The following DOCK3 variants were observed in gnomAD, a reference collection of about 807,000 sequenced individuals.
DOCK3 encodes dedicator of cytokinesis protein 3.
Under a neutral mutation model 265.6 loss-of-function variants are expected in DOCK3, and 60 were observed. The ratio of observed to expected loss-of-function variants is 0.23; its 90% CI spans 0.18 to 0.28. The LOEUF (loss-of-function observed/expected upper bound fraction) is 0.28, where lower values mean the gene tolerates loss of function less well. Among genes scored for constraint, DOCK3 ranks in the 10% least tolerant of loss-of-function variants. The pLI is 1.00. For missense variants in DOCK3, 1,981 were observed against 2,594.3 expected (o/e 0.76, Z 5.14); for synonymous variants, 881 against 938.0 (o/e 0.94, Z 1.11).
chr3:50,750,554 T>C (rs2039731514), intron 1 of DOCK3, among the ~76,000 whole-genome samples: 1 of 152,146 alleles, frequency 6.6e-6, no homozygotes, highest in Non-Finnish European at 1.5e-5. Flanking sequence ...GGTCTCGATC[T>C]CTTGACCTCA....
chr3:51,312,621 T>C, intron 30 of DOCK3, 45 bp downstream of exon 30: 1 of 1,497,628 alleles, frequency 6.7e-7, no homozygotes, highest in Non-Finnish European at 9.0e-7. Context: ...CTTGGCCAAA[T>C]AGGGCTATGT....
At chr3:51,275,453 T>C (rs1197972953) in intron 25 of DOCK3, among the ~76,000 whole-genome samples, 3 of 152,334 alleles carry the variant, frequency 2.0e-5, no homozygotes, top group African/African-American at 7.2e-5. Flanking sequence ...TTATCTGTAG[T>C]ACCACAAAGC....
intron 1 of DOCK3, among the ~76,000 whole-genome samples, chr3:50,754,469 A>G (rs2040031893): frequency 6.6e-6 from 1 of 152,202 alleles, no homozygotes; most frequent in Non-Finnish European, 1.5e-5. Flanking sequence ...TTTAATTGAA[A>G]AAATGTTGCG....
intron 1 of DOCK3, among the ~76,000 whole-genome samples, chr3:50,712,300 G>A (rs1171028886): frequency 6.6e-6 from 1 of 152,098 alleles, no homozygotes; most frequent in Non-Finnish European, 1.5e-5. Context: ...AGCAATAAAT[G>A]TTCTCCTAAG....
At chr3:51,366,913 G>A (rs2087231243) in intron 49 of DOCK3, among the ~76,000 whole-genome samples, 1 of 152,154 alleles carries the variant, frequency 6.6e-6, no homozygotes, top group South Asian at 2.1e-4. Flanking sequence ...TTCCAATTAT[G>A]TGGTCAATTT....
chr3:51,382,697 A>C lies in DOCK3; in HGVS notation c.*1138A>C, dbSNP rs570394807. On this transcript the variant is annotated 3_prime_UTR_variant, in exon 53 of 53. Transcript: ENST00000266037. ...CATGCAGGTAGAATTGTCATCTCCCAAGTGGCCACATACAGCAACCCACTC... is the reference window on the plus strand; with the variant it reads ...CATGCAGGTAGAATTGTCATCTCCCCAGTGGCCACATACAGCAACCCACTC... 1 of 152,580 alleles carries C rather than the reference A, an allele frequency of 6.6e-6. No homozygotes were observed. Among genetic ancestry groups the C allele is most frequent in the South Asian group, 2.1e-4 (1 of 4,818 alleles). The allele number at this position is 152,580 out of a possible 1,614,324, so 9.5% of individuals were successfully genotyped here.
intron 5 of DOCK3, among the ~76,000 whole-genome samples, chr3:50,951,512 A>G (rs1006017724): frequency 8.5e-5 from 13 of 152,174 alleles, no homozygotes; most frequent in Admixed American, 4.6e-4. Flanking sequence ...TCAATGTAAA[A>G]ATGATATTGA....
chr3:51,049,750 T>A (rs1471080127), intron 5 of DOCK3, among the ~76,000 whole-genome samples: 3 of 151,858 alleles, frequency 2.0e-5, no homozygotes, highest in African/African-American at 7.3e-5. Context: ...TTATCTCTTG[T>A]TTTCAGAAAA....
At chr3:51,236,674 T>C (rs1234480629) in intron 20 of DOCK3, among the ~76,000 whole-genome samples, 3 of 152,172 alleles carry the variant, frequency 2.0e-5, no homozygotes, top group East Asian at 3.9e-4. Flanking sequence ...CTCATCACTA[T>C]TGCAGTATGC....
intron 5 of DOCK3, among the ~76,000 whole-genome samples, chr3:51,023,368 T>C (rs2079678205): frequency 6.6e-6 from 1 of 152,182 alleles, no homozygotes; most frequent in Admixed American, 6.5e-5. Flanking sequence ...TGTATTTTCC[T>C]AAGTTTGTCT....
Position 50,922,511 on chromosome 3 carries a change from G to A in DOCK3, c.219-11470G>A, listed in dbSNP as rs1272742489. On this transcript the variant is annotated intron_variant, in intron 4 of 52. Coordinates refer to ENST00000266037, the MANE Select transcript of DOCK3 (RefSeq NM_004947.5). ...CGACCCCTTGCGCTTCCCACGTGGG[G>A]CAATGCCCCGCCCTGCTTCGTGGGC... Among the ~76,000 whole-genome samples, 8 of 152,334 alleles carry A rather than the reference G, an allele frequency of 5.3e-5. No individual in the cohort carries two copies. The East Asian group carries it at 1.5e-3, about 29-fold the overall frequency.
At chr3:51,096,718 G>T (rs1247249550) in intron 9 of DOCK3, among the ~76,000 whole-genome samples, 1 of 152,188 alleles carries the variant, frequency 6.6e-6, no homozygotes, top group East Asian at 1.9e-4. Flanking sequence ...TGGAGAAGAG[G>T]CGTTCCGGTT....
chr3:51,229,291 A>C (rs1189719184), intron 18 of DOCK3, among the ~76,000 whole-genome samples: 4 of 152,156 alleles, frequency 2.6e-5, no homozygotes, highest in Non-Finnish European at 5.9e-5. Flanking sequence ...TCTCTACTAA[A>C]AATACGAAAA....
chr3:50,722,684 C>G (rs1356449778), intron 1 of DOCK3, among the ~76,000 whole-genome samples: 8 of 151,568 alleles, frequency 5.3e-5, no homozygotes, highest in South Asian at 2.1e-4. Flanking sequence ...AAATAGGGGA[C>G]TTTAGTATTG....
Position 51,167,577 on chromosome 3 carries a change from A to G in DOCK3, c.1037+6875A>G, listed in dbSNP as rs1055697010. Among the ~76,000 whole-genome samples, 5 of 152,224 alleles carry G rather than the reference A, an allele frequency of 3.3e-5. No individual in the cohort carries two copies. The South Asian group carries it at 1.0e-3, about 32-fold the overall frequency. ...TTGAAAATATTAATTCTTCCAATTTATGAACACTGGATTTTTTTTCATTTA... is the reference window on the plus strand; with the variant it reads ...TTGAAAATATTAATTCTTCCAATTTGTGAACACTGGATTTTTTTTCATTTA... On this transcript the variant is annotated intron_variant, in intron 12 of 52. Transcript: ENST00000266037.
At chr3:51,131,493 A>G (rs549227452) in intron 9 of DOCK3, among the ~76,000 whole-genome samples, 113 of 152,244 alleles carry the variant, frequency 7.4e-4, no homozygotes, top group Non-Finnish European at 1.3e-3. Context: ...CCTCCATTCA[A>G]GGGGTTCTAG....
chr3:51,303,694 G>T (rs1214332970), intron 27 of DOCK3, among the ~76,000 whole-genome samples: 3 of 152,182 alleles, frequency 2.0e-5, no homozygotes, highest in Non-Finnish European at 2.9e-5. Flanking sequence ...TTTGCCGAGG[G>T]TTCACTCCAG....
chr3:50,729,038 TG>T (rs2038019036), intron 1 of DOCK3, among the ~76,000 whole-genome samples: 1 of 133,774 alleles, frequency 7.5e-6, no homozygotes, highest in Admixed American at 7.3e-5. Flanking sequence ...TTTCTTTTTT[TG>T]GCCAGGCACG....
At chr3:51,086,309 T>G (rs1411556545) in intron 7 of DOCK3, among the ~76,000 whole-genome samples, 1 of 152,204 alleles carries the variant, frequency 6.6e-6, no homozygotes, top group Non-Finnish European at 1.5e-5. Flanking sequence ...GGGCCAGGTG[T>G]TCCTTGCCCT....
Sources: gnomAD v4.1 joint callset for allele counts (sites outside exome capture counted in the v4.1 genomes callset) on GRCh38, gnomAD v4.1.1 for gene constraint, MANE v1.5 for transcripts, NCBI Gene and HGNC (gene_info 2026-07-23, HGNC 2026-07-21) for gene names.